The following PDE8B variants were observed in gnomAD, a reference collection of about 807,000 sequenced individuals.
PDE8B encodes the protein phosphodiesterase 8B.
In PDE8B, 26 loss-of-function variants were observed where a neutral mutation model predicts 101.3. That is an observed-to-expected ratio of 0.26 (90% CI 0.19 to 0.36). The LOEUF (loss-of-function observed/expected upper bound fraction) is 0.36, where lower values mean the gene tolerates loss of function less well. Ranked by LOEUF, PDE8B falls within the 10% of genes least tolerant of loss-of-function variation. The pLI, the probability that PDE8B is intolerant of heterozygous loss-of-function variation, is 1.00. For synonymous variants in PDE8B, 424 were observed against 429.3 expected (o/e 0.99, Z 0.15); for missense variants, 810 against 1,163.1 (o/e 0.70, Z 4.42).
chr5:77,235,753 A>G (rs1409404450), intron 1 of PDE8B, among the ~76,000 whole-genome samples: 3 of 151,238 alleles, frequency 2.0e-5, no homozygotes, highest in Admixed American at 1.3e-4. Context: ...TTTGGCAGAT[A>G]TTGATTGAAG....
intron 1 of PDE8B, among the ~76,000 whole-genome samples, chr5:77,257,548 T>C (rs1294601805): frequency 6.6e-6 from 1 of 152,190 alleles, no homozygotes; most frequent in Non-Finnish European, 1.5e-5. Context: ...ATATTATGCA[T>C]CTAATAATAG....
intron 2 of PDE8B, among the ~76,000 whole-genome samples, chr5:77,319,776 G>T (rs1774619606): frequency 6.6e-6 from 1 of 152,206 alleles, no homozygotes; most frequent in African/African-American, 2.4e-5. Context: ...GCATGATACT[G>T]AAAGCACAGA....
chr5:77,333,211 G>T (rs961092117), intron 5 of PDE8B, among the ~76,000 whole-genome samples: 3 of 152,096 alleles, frequency 2.0e-5, no homozygotes, highest in Admixed American at 6.6e-5. Context: ...TCTCACAAAG[G>T]TTGGCATTTG....
the PDE8B span, among the ~76,000 whole-genome samples, chr5:77,172,737 C>G: frequency 6.6e-6 from 1 of 152,144 alleles, no homozygotes; most frequent in African/African-American, 2.4e-5. Flanking sequence ...TAGGAAATAC[C>G]AGTACCAGTG....
intron 1 of PDE8B, among the ~76,000 whole-genome samples, chr5:77,217,811 C>T (rs148879692): frequency 1.3e-5 from 2 of 152,300 alleles, no homozygotes; most frequent in East Asian, 3.9e-4. Context: ...GCTGGGATTA[C>T]AGGCGTGAAC....
At chr5:77,416,878 A>G (rs955211763) in intron 17 of PDE8B, among the ~76,000 whole-genome samples, 23 of 152,108 alleles carry the variant, frequency 1.5e-4, no homozygotes, top group Non-Finnish European at 2.8e-4. Context: ...CATCTTGGGG[A>G]CCACTTTCCC....
intron 13 of PDE8B, 41 bp from the exon 14 acceptor site, chr5:77,408,852 A>G (rs1486225442): frequency 1.3e-6 from 2 of 1,533,860 alleles, no homozygotes; most frequent in African/African-American, 2.7e-5. Context: ...GGGAAGTAGA[A>G]CCCTATTATC....
intron 10 of PDE8B, chr5:77,358,464 C>T (rs982460056): frequency 1.0e-5 from 10 of 984,546 alleles, no homozygotes; most frequent in African/African-American, 7.0e-5. Context: ...GGTGAGTTCT[C>T]GCCTTAGGGC....
intron 20 of PDE8B, among the ~76,000 whole-genome samples, chr5:77,423,521 A>G (rs1403229558): frequency 2.0e-5 from 3 of 150,724 alleles, no homozygotes; most frequent in East Asian, 3.9e-4. Context: ...CCTTGCCAAC[A>G]TCTGTTATTT....
chr5:77,339,496 G>A (rs1261488336), intron 6 of PDE8B, among the ~76,000 whole-genome samples: 1 of 152,026 alleles, frequency 6.6e-6, no homozygotes, highest in Non-Finnish European at 1.5e-5. Flanking sequence ...CAGGTATTCT[G>A]TATCTAGGCC....
chr5:77,118,611 A>G, the PDE8B span: 181 of 385,894 alleles, frequency 4.7e-4, 1 homozygote, highest in African/African-American at 1.4e-3. Context: ...GTGAATGACC[A>G]TCTTAGTGAT....
intron 1 of PDE8B, chr5:77,290,123 T>C (rs1766939742): frequency 1.9e-6 from 2 of 1,060,860 alleles, no homozygotes; most frequent in African/African-American, 1.6e-5. Flanking sequence ...GTAAGTATTA[T>C]TACCCCTAGT....
intron 11 of PDE8B, among the ~76,000 whole-genome samples, chr5:77,401,551 A>C (rs553129019): frequency 4.6e-5 from 7 of 152,340 alleles, no homozygotes; most frequent in Admixed American, 4.6e-4. Context: ...TCTTATCAGT[A>C]AAATGGGGAT....
At chr5:77,269,375 C>T (rs570984851) in intron 1 of PDE8B, among the ~76,000 whole-genome samples, 132 of 152,046 alleles carry the variant, frequency 8.7e-4, no homozygotes, top group African/African-American at 2.3e-3. Context: ...TTGGTTATTA[C>T]GCTCTTGTCA....
chr5:77,313,958 G>A (rs1456042895), intron 2 of PDE8B, among the ~76,000 whole-genome samples: 1 of 151,984 alleles, frequency 6.6e-6, no homozygotes, highest in Non-Finnish European at 1.5e-5. Context: ...TTCATCAGTT[G>A]GTGTCATATC....
chr5:77,327,915 G>A (rs909628009), intron 3 of PDE8B, among the ~76,000 whole-genome samples: 1 of 152,170 alleles, frequency 6.6e-6, no homozygotes, highest in African/African-American at 2.4e-5. Flanking sequence ...CATGGAGAAG[G>A]TACATTTTTT....
the PDE8B span, among the ~76,000 whole-genome samples, chr5:77,197,868 C>A: frequency 2.1e-5 from 3 of 142,076 alleles, 1 homozygote; most frequent in South Asian, 6.7e-4. Flanking sequence ...TTTTCCATTT[C>A]TCTTCTCACA....
chr5:77,232,780 C>A (rs1458642953), intron 1 of PDE8B, among the ~76,000 whole-genome samples: 1 of 152,112 alleles, frequency 6.6e-6, no homozygotes, highest in African/African-American at 2.4e-5. Flanking sequence ...GCAGGTTGAA[C>A]TTTTTTTGTG....
At chr5:77,276,305 G>C (rs1763840276) in intron 1 of PDE8B, among the ~76,000 whole-genome samples, 2 of 152,192 alleles carry the variant, frequency 1.3e-5, no homozygotes, top group Non-Finnish European at 2.9e-5. Context: ...TGAGGAGGCA[G>C]AATCACTCCT....
Sources: gnomAD v4.1 joint callset for allele counts (sites outside exome capture counted in the v4.1 genomes callset) on GRCh38, gnomAD v4.1.1 for gene constraint, MANE v1.5 for transcripts, NCBI Gene and HGNC (gene_info 2026-07-23, HGNC 2026-07-21) for gene names.